MIA2: variants seen among roughly 807,000 people sequenced by gnomAD.
MIA2 encodes melanoma inhibitory activity protein 2.
Under a neutral mutation model 167.8 loss-of-function variants are expected in MIA2, and 127 were observed. That is an observed-to-expected ratio of 0.76 (90% CI 0.66 to 0.88). The LOEUF (loss-of-function observed/expected upper bound fraction) is 0.88. Ranked by LOEUF, MIA2 falls within the 40% of genes least tolerant of loss-of-function variation. The pLI is 0.00. For missense variants in MIA2, 1,690 were observed against 1,624.7 expected (o/e 1.04, Z -0.69); for synonymous variants, 552 against 541.9 (o/e 1.02, Z -0.26).
At chr14:39,349,173 G>C (rs2074018232) in intron 28 of MIA2, among the ~76,000 whole-genome samples, 196 bp downstream of exon 28, 1 of 152,166 alleles carries the variant, frequency 6.6e-6, no homozygotes, top group African/African-American at 2.4e-5. Context: ...GTTTCAGCTT[G>C]ATTCATCTTA....
chr14:39,234,399 T>A (rs1176838428), intron 1 of MIA2, among the ~76,000 whole-genome samples, 170 bp downstream of exon 1: 1 of 152,236 alleles, frequency 6.6e-6, no homozygotes, highest in Non-Finnish European at 1.5e-5. Flanking sequence ...AAGCATTTTG[T>A]GGTAGTATTT....
chr14:39,320,976 C>T lies in MIA2; in HGVS notation c.3416C>T (p.Thr1139Ile), dbSNP rs1265232365. ...PSPLGWPSSE[T>I]RAFLSPPTLL... ...CCATTGGGTTGGCCTTCATCTGAAA[C>T]AAGAGCTTTTCTCTCTCCTCCAACT... Residue 1139 changes from threonine to isoleucine, a missense_variant, in exon 24 of 29, where the codon ACA becomes ATA. Transcript: ENST00000640607. 3 of 1,613,722 alleles carry T rather than the reference C, an allele frequency of 1.9e-6. No homozygotes were observed. The highest frequency in any genetic ancestry group is 1.7e-5 in the Admixed American group (1 of 59,994).
chr14:39,286,889 G>A lies in MIA2; in HGVS notation c.2131-4130G>A, dbSNP rs1278597239. 2.0e-5 allele frequency among the ~76,000 whole-genome samples: 3 copies of A among 148,118 alleles called. No homozygotes were observed. In the East Asian group the frequency reaches 6.2e-4, roughly 31 times the overall value. On this transcript the variant is annotated intron_variant, in intron 9 of 28. Coordinates refer to ENST00000640607, the MANE Select transcript of MIA2 (RefSeq NM_001329214.4). ...TCTGTGTGTGTGTGTGTGTGTGTGT[G>A]TGTGTGTGTATTTTTTGGTAGAGAC...
downstream of MIA2, chr14:39,351,092 T>G (rs2074344347): frequency 6.6e-6 from 1 of 152,182 alleles, no homozygotes; most frequent in Non-Finnish European, 1.5e-5. Context: ...CTTTAGTGTT[T>G]CCCTAAATCA....
At chr14:39,280,092 C>T (rs1478323149) in intron 9 of MIA2, among the ~76,000 whole-genome samples, 3 of 151,962 alleles carry the variant, frequency 2.0e-5, no homozygotes, top group South Asian at 2.1e-4. Flanking sequence ...CTGGGCGTGT[C>T]GAGTTAATGC....
At chr14:39,356,494 C>G (rs967638161) in intron 23 of MIA2, among the ~76,000 whole-genome samples, 3 of 152,058 alleles carry the variant, frequency 2.0e-5, no homozygotes, top group African/African-American at 7.2e-5. Context: ...TTGATCTTTT[C>G]AAAAAACTAG....
chr14:39,349,016 T>C (rs1567029169), intron 28 of MIA2, 39 bp downstream of exon 28: 1 of 1,584,322 alleles, frequency 6.3e-7, no homozygotes, highest in Admixed American at 1.7e-5. Context: ...GCTCAATATG[T>C]GGTTTATTAA....
chr14:39,325,399 G>A (rs1434864761), intron 24 of MIA2, among the ~76,000 whole-genome samples: 3 of 132,968 alleles, frequency 2.3e-5, no homozygotes, highest in South Asian at 2.4e-4. Context: ...ATGGAGTCTC[G>A]CTCTATCCCC....
intron 20 of MIA2, 147 bp downstream of exon 20, chr14:39,314,946 T>A: frequency 5.4e-6 from 3 of 560,140 alleles, no homozygotes; most frequent in Non-Finnish European, 8.4e-6. Flanking sequence ...CTGTGGGACA[T>A]TTCCCAGGAG....
In MIA2 at chr14:39,348,960, C is replaced by T. The variant is rs2139121545; in HGVS notation, c.4055C>T (p.Pro1352Leu). The T allele has an allele frequency of 6.2e-7, 1 of 1,613,424 alleles. No individual in the cohort carries two copies. Among genetic ancestry groups the T allele is most frequent in the South Asian group, 1.1e-5 (1 of 91,058 alleles). ...CCACCAGGGGATTTCCCAGGTCCAC[C>T]ACCTGCTCCATTTGCAAGTATGCTT... ...YFPPGDFPGP[P>L]PAPFAMRNVY... is the part of the protein sequence containing the mutation. Residue 1352 changes from proline (P) to leucine (L), a missense_variant, in exon 28 of 29, where the codon CCA (proline) becomes CTA (leucine). Coordinates refer to ENST00000640607, the MANE Select transcript of MIA2 (RefSeq NM_001329214.4).
chr14:39,279,031 G>C (rs1415152002), intron 7 of MIA2, among the ~76,000 whole-genome samples: 1 of 151,934 alleles, frequency 6.6e-6, no homozygotes, highest in Non-Finnish European at 1.5e-5. Context: ...CATGGTGGTG[G>C]GCACCTGTAA....
At chr14:39,336,956 G>A (rs908856119) in intron 25 of MIA2, among the ~76,000 whole-genome samples, 7 of 152,044 alleles carry the variant, frequency 4.6e-5, no homozygotes, top group East Asian at 3.9e-4. Context: ...GGTTTTTGCT[G>A]TGTTACCCAG....
At chr14:39,320,376 A>G (rs1363379004) in intron 23 of MIA2, among the ~76,000 whole-genome samples, 3 of 152,216 alleles carry the variant, frequency 2.0e-5, no homozygotes, top group Admixed American at 2.0e-4. Context: ...ATAAATTAGT[A>G]TTTGTAAGCT....
chr14:39,257,818 G>A (rs1409676994), intron 6 of MIA2, among the ~76,000 whole-genome samples: 2 of 152,126 alleles, frequency 1.3e-5, no homozygotes, highest in Non-Finnish European at 2.9e-5. Flanking sequence ...GTCTGTAAAG[G>A]ACTTTATTTC....
chr14:39,378,699 T>A (rs560039466), intron 23 of MIA2, among the ~76,000 whole-genome samples: 2 of 152,294 alleles, frequency 1.3e-5, no homozygotes, highest in South Asian at 2.1e-4. Context: ...AATAACACAT[T>A]TATATAAATG....
intron 23 of MIA2, among the ~76,000 whole-genome samples, chr14:39,383,121 C>T (rs1451403101): frequency 6.6e-6 from 1 of 152,088 alleles, no homozygotes; most frequent in Non-Finnish European, 1.5e-5. Context: ...AGACCTACTT[C>T]ATTTTATTAC....
At chr14:39,277,714 A>ATATG (rs1418957018) in intron 7 of MIA2, among the ~76,000 whole-genome samples, 1 of 3,632 alleles carries the variant, frequency 2.8e-4, no homozygotes, top group Non-Finnish European at 4.5e-4. Context: ...ATATATATAT[A>ATATG]TGTGTGTATA....
chr14:39,252,694 C>T (rs763392455), intron 4 of MIA2, 54 bp from the exon 5 acceptor site: 38 of 1,362,926 alleles, frequency 2.8e-5, no homozygotes, highest in Non-Finnish European at 3.6e-5. Context: ...AAAAGGGGAG[C>T]CCTCAACAAA....
intron 9 of MIA2, among the ~76,000 whole-genome samples, chr14:39,284,069 CA>C (rs1248279342): frequency 1.3e-5 from 2 of 152,024 alleles, no homozygotes; most frequent in African/African-American, 4.8e-5. Context: ...TAGTCCTGTT[CA>C]CTTACTTTTT....
Sources: allele counts gnomAD v4.1 joint callset (sites outside exome capture counted in the v4.1 genomes callset), GRCh38; gene constraint gnomAD v4.1.1; transcripts MANE v1.5; gene names NCBI Gene and HGNC (gene_info 2026-07-23, HGNC 2026-07-21).